USP6NL: variants seen among roughly 807,000 people sequenced by gnomAD.
The protein encoded by USP6NL is USP6 N-terminal-like protein.
A neutral mutation model predicts 61.9 loss-of-function variants in USP6NL; 26 were observed. The ratio of observed to expected loss-of-function variants is 0.42; its 90% CI spans 0.31 to 0.58. The LOEUF (loss-of-function observed/expected upper bound fraction) is 0.58, where lower values mean the gene tolerates loss of function less well. USP6NL is among the 20% of genes least tolerant of loss of function. The pLI, the probability that USP6NL is intolerant of heterozygous loss-of-function variation, is 0.16. For synonymous variants in USP6NL, 432 were observed against 390.1 expected, an observed-to-expected ratio of 1.11 and a Z score of -1.27; for missense variants, 1,114 against 1,034.3, an observed-to-expected ratio of 1.08 and a Z score of -1.06.
chr10:11,528,269 G>C lies in USP6NL; in HGVS notation c.5-702C>G, dbSNP rs1485150672. Among the ~76,000 whole-genome samples the C allele has an allele frequency of 6.7e-6, 1 of 148,214 alleles. No homozygotes were observed. Among genetic ancestry groups the C allele is most frequent in the Non-Finnish European group, 1.5e-5 (1 of 67,140 alleles). On this transcript the variant is annotated intron_variant, in intron 2 of 14. Coordinates refer to ENST00000609104, the MANE Select transcript of USP6NL (RefSeq NM_014688.5). This position sits in a 1 kb window ranked among gnomAD's most constrained non-coding sequence, Gnocchi z 4.6. ...ATATATACCATAAGTTTTTTTAAAAGATCAATAACAGACTATATAAAAGGC... is the reference window on the plus strand; with the variant it reads ...ATATATACCATAAGTTTTTTTAAAACATCAATAACAGACTATATAAAAGGC...
At chr10:11,605,654 G>A (rs755402130) in intron 1 of USP6NL, among the ~76,000 whole-genome samples, 1 of 152,094 alleles carries the variant, frequency 6.6e-6, no homozygotes, top group Non-Finnish European at 1.5e-5. Context: ...CTAGAAAAGT[G>A]GCAAAGCATA....
At chr10:11,544,541 G>T (rs1405654939) in intron 2 of USP6NL, among the ~76,000 whole-genome samples, 2 of 151,876 alleles carry the variant, frequency 1.3e-5, no homozygotes, top group Non-Finnish European at 2.9e-5. Context: ...AGGCTGGAGT[G>T]CAGTTGCACG....
intron 5 of USP6NL, among the ~76,000 whole-genome samples, chr10:11,516,295 C>A (rs1380462508): frequency 6.6e-6 from 1 of 152,206 alleles, no homozygotes; most frequent in Non-Finnish European, 1.5e-5. Flanking sequence ...CACTAGTGTA[C>A]AAGTCTTCCC....
In USP6NL at chr10:11,600,789, G is replaced by A. The variant is rs1838498310; in HGVS notation, c.-83-3072C>T. Among the ~76,000 whole-genome samples, 2 of 152,096 alleles carry A rather than the reference G, an allele frequency of 1.3e-5. No individual in the cohort carries two copies. The highest frequency in any genetic ancestry group is 6.6e-5 in the Admixed American group (1 of 15,266). On this transcript the variant is annotated intron_variant, in intron 1 of 14. Coordinates refer to ENST00000609104, the MANE Select transcript of USP6NL (RefSeq NM_014688.5). The surrounding 1 kb of genome is among the most constrained non-coding windows in gnomAD (Gnocchi z 4.1). ...TCAAGACCAGCCTGGCCAACATGGT[G>A]AAACCCTGTCTCTACTAAAAATATA...
rs1408154259 is a variant in USP6NL at position 11,485,947 on chromosome 10, A to C, written c.665-36T>G. On this transcript the variant is annotated intron_variant, in intron 10 of 14. Coordinates refer to ENST00000609104, the MANE Select transcript of USP6NL (RefSeq NM_014688.5). The surrounding 1 kb of genome is among the most constrained non-coding windows in gnomAD (Gnocchi z 4.8). Reference sequence around the variant, plus strand: ...AACATAAAAACAACATTTCATAAACAATACCAACAAAACCCTCCAATCTTA... The same window carrying C: ...AACATAAAAACAACATTTCATAAACCATACCAACAAAACCCTCCAATCTTA... 8.8e-6 allele frequency: 12 copies of C among 1,366,704 alleles called. No individual in the cohort carries two copies. Among genetic ancestry groups the C allele is most frequent in the Non-Finnish European group, 1.1e-5 (11 of 1,000,586 alleles). The allele number at this position is 1,366,704 out of a possible 1,614,324, so 84.7% of individuals were successfully genotyped here.
intron 5 of USP6NL, among the ~76,000 whole-genome samples, chr10:11,514,831 G>A (rs755000059): frequency 6.6e-6 from 1 of 152,170 alleles, no homozygotes; most frequent in Non-Finnish European, 1.5e-5. Context: ...CAGAATGTCA[G>A]AGCAACATAC....
Position 11,491,436 on chromosome 10 carries a change from T to C in USP6NL, c.495-556A>G, listed in dbSNP as rs1279334263. Among the ~76,000 whole-genome samples the C allele has an allele frequency of 6.6e-6, 1 of 152,186 alleles. No homozygotes were observed. The highest frequency in any genetic ancestry group is 1.5e-5 in the Non-Finnish European group (1 of 68,026). On this transcript the variant is annotated intron_variant, in intron 8 of 14. Transcript: ENST00000609104. The surrounding 1 kb of genome is among the most constrained non-coding windows in gnomAD (Gnocchi z 4.7). ...GCGTTTGCTTCTTGGCCCTGCAAGCTTGGGTTCTGCTGGTCGAGAGATCTT... is the reference window on the plus strand; with the variant it reads ...GCGTTTGCTTCTTGGCCCTGCAAGCCTGGGTTCTGCTGGTCGAGAGATCTT...
chr10:11,485,182 CA>C lies in USP6NL; in HGVS notation c.811del (p.Cys271ValfsTer10). ...SFYTMKWFFQ[C>X]FLDRTPFTLN... Reference sequence around the variant, plus strand: ...ATAAATACTTACACGATCAAGGAAACACTGAAAAAACCATTTCATTGTGTAA... The same window carrying C: ...ATAAATACTTACACGATCAAGGAAACCTGAAAAAACCATTTCATTGTGTAA... On this transcript the variant is annotated frameshift_variant, in exon 12 of 15. Coordinates refer to ENST00000609104, the MANE Select transcript of USP6NL (RefSeq NM_014688.5). LOFTEE classifies it high-confidence loss of function. The surrounding 1 kb of genome is among the most constrained non-coding windows in gnomAD (Gnocchi z 4.8). 1 of 1,536,452 alleles carries C rather than the reference CA, an allele frequency of 6.5e-7. No individual in the cohort carries two copies. The highest frequency in any genetic ancestry group is 1.3e-5 in the South Asian group (1 of 79,070).
intron 2 of USP6NL, among the ~76,000 whole-genome samples, chr10:11,579,844 T>C (rs1292514139): frequency 6.6e-6 from 1 of 152,002 alleles, no homozygotes; most frequent in Non-Finnish European, 1.5e-5. Context: ...AGCCATGTGG[T>C]CACTGTTGTA....
intron 14 of USP6NL, among the ~76,000 whole-genome samples, chr10:11,466,109 C>A (rs1438182655): frequency 6.6e-6 from 1 of 152,170 alleles, no homozygotes; most frequent in Non-Finnish European, 1.5e-5. Context: ...TTTTCTATGT[C>A]TTGTGGTCAC....
rs1173030064 is a variant in USP6NL, at chr10:11,476,924, T to C, written c.1078+4846A>G. Among the ~76,000 whole-genome samples the C allele has an allele frequency of 2.0e-5, 3 of 152,222 alleles. No homozygotes were observed. Among genetic ancestry groups the C allele is most frequent in the African/African-American group, 7.2e-5 (3 of 41,466 alleles). On this transcript the variant is annotated intron_variant, in intron 14 of 14. Coordinates refer to ENST00000609104, the MANE Select transcript of USP6NL (RefSeq NM_014688.5). This position sits in a 1 kb window ranked among gnomAD's most constrained non-coding sequence, Gnocchi z 4.3. ...TCTTGCTCTGTCACCCAGGCTGAAG[T>C]GCAGTGGTGCGATCTTGACTCACTG...
At position 11,462,728 on chromosome 10, in the gene USP6NL, T is replaced by C. The variant is rs1591806190; in HGVS notation, c.2200A>G (p.Arg734Gly). The C allele has an allele frequency of 6.2e-7, 1 of 1,614,050 alleles. No individual in the cohort carries two copies. The highest frequency in any genetic ancestry group is 2.2e-5 in the East Asian group (1 of 44,890). ...GTATAACTAACTTCTGACCATGTTC[T>C]GTTATCTGGCAAGTAATCCACTGGT... is the stretch of plus-strand genomic sequence containing the variant. ...IPPVDYLPDN[R>G]TWSEVSYTYR... The change falls in exon 15 of 15, where the codon AGA (arginine) becomes GGA (glycine). Residue 734 changes from arginine to glycine, a missense_variant. Physicochemically the swap from Arg to Gly is moderately radical, Grantham distance 125. Coordinates refer to ENST00000609104, the MANE Select transcript of USP6NL (RefSeq NM_014688.5).
chr10:11,542,044 T>A lies in USP6NL; in HGVS notation c.5-14477A>T, dbSNP rs114828630. Among the ~76,000 whole-genome samples the A allele has an allele frequency of 7.2e-3, 1,095 of 152,304 alleles. 11 individuals carry two copies. The highest frequency in any genetic ancestry group is 0.025 in the African/African-American group (1,038 of 41,554). ...TATAATCAAATAATTCTGCCCTATC[T>A]CTATGGATACCTGAAAGTTCCACTT... On this transcript the variant is annotated intron_variant, in intron 2 of 14. Coordinates refer to ENST00000609104, the MANE Select transcript of USP6NL (RefSeq NM_014688.5).
At chr10:11,502,617 T>C (rs1834247911) in intron 6 of USP6NL, among the ~76,000 whole-genome samples, 1 of 152,208 alleles carries the variant, frequency 6.6e-6, no homozygotes, top group South Asian at 2.1e-4. Flanking sequence ...CTACAATAAG[T>C]AGTACACAAG....
chr10:11,494,627 G>C (rs756659996), intron 7 of USP6NL, among the ~76,000 whole-genome samples: 1 of 152,194 alleles, frequency 6.6e-6, no homozygotes, highest in African/African-American at 2.4e-5. Context: ...CAAAGCAAAA[G>C]GGGCAGGGTA....
chr10:11,597,590 G>C lies in USP6NL; in HGVS notation c.4+41C>G. The C allele has an allele frequency of 6.5e-7, 1 of 1,546,060 alleles. No homozygotes were observed. Among genetic ancestry groups the C allele is most frequent in the Non-Finnish European group, 8.8e-7 (1 of 1,141,924 alleles). ...TTCTCCTAAGCACAATACAGCAAAC[G>C]CTCCTGAGATGGCTGGAAGGAAAGG... On this transcript the variant is annotated intron_variant, in intron 2 of 14. Transcript: ENST00000609104. This position sits in a 1 kb window ranked among gnomAD's most constrained non-coding sequence, Gnocchi z 4.6.
intron 2 of USP6NL, among the ~76,000 whole-genome samples, chr10:11,578,117 G>A (rs1426158549): frequency 6.6e-6 from 1 of 151,994 alleles, no homozygotes; most frequent in Non-Finnish European, 1.5e-5. Context: ...CTCAGGGTGT[G>A]CCACCATGCA....
chr10:11,501,120 T>C lies in USP6NL; in HGVS notation c.365A>G (p.Glu122Gly), dbSNP rs61755070. ...LLLEIPKMKEETRDLYSKLKH... is the reference protein window; with the variant it reads ...LLLEIPKMKEGTRDLYSKLKH... ...ACTCACACTATACAGGTCCCTTGTT[T>C]CTTCTTTCATTTTAGGGATCTCAAG... is the stretch of plus-strand genomic sequence containing the variant. Residue 122 changes from glutamate (E) to glycine (G), a missense_variant, in exon 7 of 15, where the codon GAA (glutamate) becomes GGA (glycine). Transcript: ENST00000609104. 1,769 of 1,612,040 alleles carry C rather than the reference T, an allele frequency of 1.1e-3. 3 individuals carry two copies. Among genetic ancestry groups the C allele is most frequent in the South Asian group, 4.2e-3 (382 of 90,524 alleles).
chr10:11,485,370 A>C lies in USP6NL; in HGVS notation c.760-136T>G. 1.5e-6 allele frequency: 1 copy of C among 677,480 alleles called. No homozygotes were observed. Among genetic ancestry groups the C allele is most frequent in the East Asian group, 2.8e-5 (1 of 35,622 alleles). 42.0% of individuals were successfully genotyped at this position (677,480 alleles called of 1,614,324 possible). On this transcript the variant is annotated intron_variant, in intron 11 of 14. Transcript: ENST00000609104. This position sits in a 1 kb window ranked among gnomAD's most constrained non-coding sequence, Gnocchi z 4.8. The stretch of plus-strand genomic sequence containing the variant: ...CTTCTCAAAATCACTCCAAGAATAA[A>C]TTCCTCTTAGGACTGTAATACAACA...
Sources: gnomAD v4.1 joint callset for allele counts (sites outside exome capture counted in the v4.1 genomes callset) on GRCh38, gnomAD v4.1.1 for gene constraint, Gnocchi (gnomAD v3.1) non-coding constraint, MANE v1.5 for transcripts, NCBI Gene and HGNC (gene_info 2026-07-23, HGNC 2026-07-21) for gene names.